TASP1: variants seen among roughly 807,000 people sequenced by gnomAD.
The protein encoded by TASP1 is threonine aspartase 1.
In TASP1, 16 loss-of-function variants were observed where a neutral mutation model predicts 56.6. The observed-to-expected ratio is 0.28, with a 90% CI of 0.19 to 0.43. The LOEUF is 0.43. TASP1 is among the 20% of genes least tolerant of loss of function. TASP1 has a pLI of 1.00. For synonymous variants in TASP1, 179 were observed against 184.2 expected, an observed-to-expected ratio of 0.97 and a Z score of 0.23; for missense variants, 393 against 511.6, an observed-to-expected ratio of 0.77 and a Z score of 2.24.
chr20:13,365,774 A>G, the TASP1 span, among the ~76,000 whole-genome samples: 1 of 152,226 alleles, frequency 6.6e-6, no homozygotes, highest in Non-Finnish European at 1.5e-5. Flanking sequence ...ATGGAAAACC[A>G]CTGGAAACAA....
the TASP1 span, among the ~76,000 whole-genome samples, chr20:13,169,451 A>T: frequency 6.6e-6 from 1 of 152,160 alleles, no homozygotes. Flanking sequence ...AAGAGGAAGA[A>T]TTTGAACTAT....
chr20:13,232,493 A>G, the TASP1 span, among the ~76,000 whole-genome samples: 5 of 152,220 alleles, frequency 3.3e-5, no homozygotes, highest in Admixed American at 3.3e-4. Flanking sequence ...TTTATTACCA[A>G]TTAATATTCT....
At chr20:13,278,919 C>T in the TASP1 span, among the ~76,000 whole-genome samples, 10 of 152,144 alleles carry the variant, frequency 6.6e-5, no homozygotes, top group Non-Finnish European at 1.0e-4. Flanking sequence ...GTGGTCTAGG[C>T]TAAGCTTCCT....
At chr20:13,573,917 A>T (rs887963369) in intron 6 of TASP1, among the ~76,000 whole-genome samples, 4 of 152,168 alleles carry the variant, frequency 2.6e-5, no homozygotes, top group Non-Finnish European at 5.9e-5. Flanking sequence ...AGCTCCAGCA[A>T]TATCTCTGAG....
chr20:13,393,581 C>G (rs1251813995), intron 13 of TASP1: 1 of 930,356 alleles, frequency 1.1e-6, no homozygotes, highest in East Asian at 2.4e-5. Flanking sequence ...CCCTCAACAA[C>G]CACCTTGTCA....
the TASP1 span, among the ~76,000 whole-genome samples, chr20:13,321,095 A>T: frequency 6.6e-6 from 1 of 151,854 alleles, no homozygotes. Flanking sequence ...GCAACTCAGG[A>T]GGCTGAGGCA....
the TASP1 span, among the ~76,000 whole-genome samples, chr20:13,122,525 T>C: frequency 6.6e-6 from 1 of 152,238 alleles, no homozygotes; most frequent in East Asian, 1.9e-4. Context: ...AGCCAGCTTC[T>C]TTAGGTCCAA....
chr20:13,121,283 G>A, the TASP1 span, among the ~76,000 whole-genome samples: 1 of 152,168 alleles, frequency 6.6e-6, no homozygotes, highest in East Asian at 1.9e-4. Flanking sequence ...GAAGGGAACT[G>A]GGACAGGGCA....
chr20:13,546,538 CT>C (rs1179455312), intron 8 of TASP1, among the ~76,000 whole-genome samples: 10 of 152,204 alleles, frequency 6.6e-5, no homozygotes, highest in African/African-American at 2.4e-4. Context: ...CCTAGCCCCC[CT>C]GGAAAATCAC....
At chr20:13,478,761 C>T (rs2043031067) in intron 11 of TASP1, among the ~76,000 whole-genome samples, 2 of 151,816 alleles carry the variant, frequency 1.3e-5, no homozygotes, top group Non-Finnish European at 2.9e-5. Context: ...ATGTATGTTC[C>T]AAACTCTAGA....
intron 1 of TASP1, among the ~76,000 whole-genome samples, chr20:13,635,605 C>G (rs2049276365): frequency 6.6e-6 from 1 of 152,084 alleles, no homozygotes; most frequent in African/African-American, 2.4e-5. Context: ...CCAAGCTGGT[C>G]TCGAACTCCT....
chr20:13,611,971 A>C (rs2048360778), intron 4 of TASP1, among the ~76,000 whole-genome samples: 1 of 152,182 alleles, frequency 6.6e-6, no homozygotes, highest in South Asian at 2.1e-4. Flanking sequence ...TCACTTTGTA[A>C]GATTAAGAAG....
At chr20:13,435,221 G>A in intron 11 of TASP1, 67 bp from the exon 12 acceptor site, 2 of 1,197,448 alleles carry the variant, frequency 1.7e-6, no homozygotes, top group Non-Finnish European at 2.4e-6. Flanking sequence ...ATTTTCATTT[G>A]ATTATTAGAA....
intron 11 of TASP1, among the ~76,000 whole-genome samples, chr20:13,443,963 GACAGA>G (rs2043309347): frequency 1.3e-5 from 2 of 152,160 alleles, no homozygotes; most frequent in Non-Finnish European, 2.9e-5. Flanking sequence ...CACACAAATG[GACAGA>G]ACAAAGAGCC....
chr20:13,520,031 A>G (rs910667299), intron 10 of TASP1, among the ~76,000 whole-genome samples: 3 of 152,216 alleles, frequency 2.0e-5, no homozygotes, highest in Non-Finnish European at 4.4e-5. Flanking sequence ...AATTGCTTCA[A>G]AGAGAATAAA....
intron 11 of TASP1, among the ~76,000 whole-genome samples, chr20:13,453,510 G>C (rs6033713): frequency 3.9e-5 from 6 of 152,010 alleles, no homozygotes; most frequent in Non-Finnish European, 8.8e-5. Flanking sequence ...TGGAAGACTC[G>C]CATTGTAAAC....
At chr20:13,189,111 G>T in the TASP1 span, among the ~76,000 whole-genome samples, 333 of 152,174 alleles carry the variant, frequency 2.2e-3, 1 homozygote, top group Non-Finnish European at 3.8e-3. Flanking sequence ...GGGATTCTGG[G>T]GACTGCCAGA....
At chr20:13,210,463 C>T in the TASP1 span, among the ~76,000 whole-genome samples, 3 of 152,124 alleles carry the variant, frequency 2.0e-5, no homozygotes, top group Non-Finnish European at 4.4e-5. Flanking sequence ...ACATATGCTG[C>T]AGCCATTAAA....
chr20:13,445,518 G>T (rs928106167), intron 11 of TASP1, among the ~76,000 whole-genome samples: 1 of 152,150 alleles, frequency 6.6e-6, no homozygotes, highest in Non-Finnish European at 1.5e-5. Context: ...CAGCAACAGT[G>T]ATGAGTTGAG....
Sources: allele counts gnomAD v4.1 joint callset (sites outside exome capture counted in the v4.1 genomes callset), GRCh38; gene constraint gnomAD v4.1.1; transcripts MANE v1.5; gene names NCBI Gene and HGNC (gene_info 2026-07-23, HGNC 2026-07-21).